The following CTNNA3 variants were observed in gnomAD, a reference collection of about 807,000 sequenced individuals.
CTNNA3 encodes the protein catenin alpha 3.
In CTNNA3, 76 loss-of-function variants were observed where a neutral mutation model predicts 95.7. The observed-to-expected ratio is 0.79, with a 90% CI of 0.66 to 0.96. The LOEUF (loss-of-function observed/expected upper bound fraction) is 0.96, where lower values mean the gene tolerates loss of function less well. Ranked by LOEUF, CTNNA3 falls within the 40% of genes least tolerant of loss-of-function variation. The pLI is 0.00. For missense variants in CTNNA3, 1,191 were observed against 1,089.8 expected, an observed-to-expected ratio of 1.09 and a Z score of -1.31; for synonymous variants, 431 against 374.4, an observed-to-expected ratio of 1.15 and a Z score of -1.74.
At chr10:66,233,634 G>C (rs923572138) in intron 13 of CTNNA3, among the ~76,000 whole-genome samples, 25 of 151,822 alleles carry the variant, frequency 1.6e-4, no homozygotes, top group Admixed American at 9.9e-4. Flanking sequence ...GACTAGAATA[G>C]TTAAAATTAA....
intron 10 of CTNNA3, among the ~76,000 whole-genome samples, chr10:66,592,710 G>T (rs1843593493): frequency 6.6e-6 from 1 of 152,056 alleles, no homozygotes; most frequent in Non-Finnish European, 1.5e-5. Context: ...TTTGTGCTGG[G>T]TTTTAAAACA....
At chr10:66,311,658 C>T (rs949708036) in intron 12 of CTNNA3, among the ~76,000 whole-genome samples, 1 of 152,194 alleles carries the variant, frequency 6.6e-6, no homozygotes. Flanking sequence ...TACAGCAATA[C>T]ATTAGGCACA....
intron 13 of CTNNA3, among the ~76,000 whole-genome samples, chr10:66,241,735 C>T (rs1395573439): frequency 1.4e-5 from 2 of 137,960 alleles, no homozygotes; most frequent in Non-Finnish European, 3.0e-5. Flanking sequence ...CCAAATAAAA[C>T]GAAAAGGGGT....
intron 16 of CTNNA3, among the ~76,000 whole-genome samples, chr10:65,976,694 C>G (rs1020328000): frequency 2.6e-5 from 4 of 152,132 alleles, no homozygotes; most frequent in African/African-American, 9.7e-5. Flanking sequence ...GTCAGTTTTG[C>G]TCACTTAGAA....
At chr10:66,515,339 C>T (rs1041899191) in intron 11 of CTNNA3, among the ~76,000 whole-genome samples, 21 of 143,952 alleles carry the variant, frequency 1.5e-4, no homozygotes, top group African/African-American at 5.4e-4. Flanking sequence ...GTCTCTCTCT[C>T]TCTCTCTATA....
rs563122074 is a variant in CTNNA3, at chr10:67,238,488, C to T, written c.580-18618G>A. On this transcript the variant is annotated intron_variant, in intron 5 of 17. Coordinates refer to ENST00000433211, the MANE Select transcript of CTNNA3 (RefSeq NM_013266.4). ...AAATATTTTTAAATAGGCCAGAAAA[C>T]GCATGCAGGCTACAGAGTTAGAATC... 1.5e-4 allele frequency among the ~76,000 whole-genome samples: 22 copies of T among 151,190 alleles called. No homozygotes were observed. The South Asian group carries it at 1.7e-3, about 12-fold the overall frequency.
rs1283095694 is a variant in CTNNA3 at position 67,231,604 on chromosome 10, A to G, written c.580-11734T>C. On this transcript the variant is annotated intron_variant, in intron 5 of 17. Transcript: ENST00000433211. ...ACAGAGCAGAAAAATTGGAAACTCT[A>G]AAAAGCAGAGCACCTCTCCTCCTCC... 2.6e-5 allele frequency among the ~76,000 whole-genome samples: 4 copies of G among 152,216 alleles called. 1 individual carries two copies. Among genetic ancestry groups the G allele is most frequent in the Admixed American group, 2.0e-4 (3 of 15,286 alleles).
At chr10:67,041,471 C>G (rs1198831843) in intron 7 of CTNNA3, among the ~76,000 whole-genome samples, 1 of 152,120 alleles carries the variant, frequency 6.6e-6, no homozygotes, top group African/African-American at 2.4e-5. Flanking sequence ...TAATCACCAT[C>G]AATTCTTATA....
chr10:66,404,171 A>G (rs900388056), intron 11 of CTNNA3, among the ~76,000 whole-genome samples: 4 of 152,120 alleles, frequency 2.6e-5, no homozygotes, highest in African/African-American at 9.7e-5. Context: ...AGGCAGACTC[A>G]GTACCTGAGG....
intron 7 of CTNNA3, among the ~76,000 whole-genome samples, chr10:67,030,911 G>A (rs1297396163): frequency 6.6e-6 from 1 of 152,136 alleles, no homozygotes; most frequent in African/African-American, 2.4e-5. Context: ...GGTTGAGGAA[G>A]GAGAATTGCT....
chr10:67,651,161 T>A (rs910929194), intron 1 of CTNNA3, among the ~76,000 whole-genome samples: 1 of 152,202 alleles, frequency 6.6e-6, no homozygotes, highest in Non-Finnish European at 1.5e-5. Flanking sequence ...TGTAACACAA[T>A]TAGTTTGTAA....
At chr10:66,054,444 G>A (rs2080031940) in intron 15 of CTNNA3, among the ~76,000 whole-genome samples, 1 of 152,048 alleles carries the variant, frequency 6.6e-6, no homozygotes, top group Non-Finnish European at 1.5e-5. Context: ...GTGACCTCAA[G>A]GTAGTTTTAA....
chr10:67,225,928 G>A (rs1049876115), intron 5 of CTNNA3, among the ~76,000 whole-genome samples: 1 of 152,146 alleles, frequency 6.6e-6, no homozygotes, highest in African/African-American at 2.4e-5. Context: ...GCTAATCAGG[G>A]AGGGACCAGA....
At chr10:66,498,947 A>G (rs555868959) in intron 11 of CTNNA3, among the ~76,000 whole-genome samples, 16 of 152,260 alleles carry the variant, frequency 1.1e-4, no homozygotes, top group African/African-American at 3.9e-4. Flanking sequence ...AATCATATAC[A>G]AGTTTATTTG....
chr10:67,234,193 G>T (rs1267874895), intron 5 of CTNNA3, among the ~76,000 whole-genome samples: 14 of 152,128 alleles, frequency 9.2e-5, no homozygotes, highest in South Asian at 4.2e-4. Context: ...TACCAAAGCC[G>T]GGCAGAGACA....
chr10:66,806,932 G>GAAACC (rs1216842566), intron 7 of CTNNA3, among the ~76,000 whole-genome samples: 1 of 151,866 alleles, frequency 6.6e-6, no homozygotes, highest in African/African-American at 2.4e-5. Flanking sequence ...TATGTTGATA[G>GAAACC]AAACCAAACC....
rs530801870 is a variant in CTNNA3, at chr10:66,754,800, T to C, written c.1281+11464A>G. Among the ~76,000 whole-genome samples the C allele has an allele frequency of 2.6e-5, 4 of 152,182 alleles. No individual in the cohort carries two copies. The South Asian group carries it at 6.2e-4, about 24-fold the overall frequency. ...GATGATGGCTATAATCAAAGGCAAA[T>C]AGTAACAACTGTTGGCATGTAGAGA... On this transcript the variant is annotated intron_variant, in intron 9 of 17. Coordinates refer to ENST00000433211, the MANE Select transcript of CTNNA3 (RefSeq NM_013266.4).
chr10:67,408,882 C>CA (rs766212790), intron 5 of CTNNA3, among the ~76,000 whole-genome samples: 11,141 of 97,112 alleles, frequency 0.11, 1,180 homozygotes, highest in African/African-American at 0.2. Flanking sequence ...CTTAAATTTA[C>CA]AAAAAAAAAA....
chr10:66,276,437 T>C (rs1826593879), intron 13 of CTNNA3, among the ~76,000 whole-genome samples: 1 of 152,132 alleles, frequency 6.6e-6, no homozygotes, highest in African/African-American at 2.4e-5. Flanking sequence ...ATTTCCTCCA[T>C]TTGTGGTTAA....
Sources: allele counts gnomAD v4.1 joint callset (sites outside exome capture counted in the v4.1 genomes callset), GRCh38; gene constraint gnomAD v4.1.1; transcripts MANE v1.5; gene names NCBI Gene and HGNC (gene_info 2026-07-23, HGNC 2026-07-21).